The following DCBLD1 variants were observed in gnomAD, a reference collection of about 807,000 sequenced individuals.
DCBLD1 encodes the protein discoidin, CUB and LCCL domain-containing protein 1.
In DCBLD1, 57 loss-of-function variants were observed where a neutral mutation model predicts 71.5. The observed-to-expected ratio is 0.80, with a 90% CI of 0.64 to 0.99. The LOEUF is 0.99. Ranked by LOEUF, DCBLD1 falls within the 50% of genes least tolerant of loss-of-function variation. The pLI, the probability that DCBLD1 is intolerant of heterozygous loss-of-function variation, is 0.00. For missense variants in DCBLD1, 891 were observed against 923.5 expected, an observed-to-expected ratio of 0.96 and a Z score of 0.46; for synonymous variants, 380 against 363.8, an observed-to-expected ratio of 1.04 and a Z score of -0.51.
rs1484761853 is a variant in DCBLD1, at chr6:117,538,570, C to G, written c.761-50C>G. On this transcript the variant is annotated intron_variant, in intron 7 of 14. Transcript: ENST00000338728. The stretch of plus-strand genomic sequence containing the variant: ...AGATGTGGTACTACTTTTTTTTTTG[C>G]TGTTATTTTATGTCTGTATCTAAAA... The G allele has an allele frequency of 3.9e-6, 6 of 1,531,764 alleles. No individual in the cohort carries two copies. In the African/African-American group the frequency reaches 5.6e-5, roughly 14 times the overall value. 94.9% of individuals were successfully genotyped at this position (1,531,764 alleles called of 1,614,324 possible).
Position 117,509,460 on chromosome 6 carries a change from AATAGT to A in DCBLD1, c.325+5484_325+5488del, listed in dbSNP as rs1490794810. ...TAAAATAAAACAAAATGGGCAAAAT[AATAGT>A]ATCTACCACATATAGGTGACTGGCA... On this transcript the variant is annotated intron_variant, in intron 2 of 14. Transcript: ENST00000338728. Among the ~76,000 whole-genome samples, 10 of 152,272 alleles carry A rather than the reference AATAGT, an allele frequency of 6.6e-5. No homozygotes were observed. In the East Asian group the frequency reaches 1.9e-3, roughly 29 times the overall value.
At chr6:117,519,668 C>T (rs990122261) in intron 2 of DCBLD1, 148 bp from the exon 3 acceptor site, 191 of 1,064,646 alleles carry the variant, frequency 1.8e-4, no homozygotes, top group Middle Eastern at 9.6e-4. Context: ...TCAGTCTGAG[C>T]GTCAAGCTAA....
chr6:117,501,634 G>T (rs970480044), intron 1 of DCBLD1, among the ~76,000 whole-genome samples: 1 of 152,160 alleles, frequency 6.6e-6, no homozygotes, highest in African/African-American at 2.4e-5. Flanking sequence ...CTCCCAGTTT[G>T]TCCTTCAGTT....
intron 14 of DCBLD1, among the ~76,000 whole-genome samples, chr6:117,557,048 T>C (rs1037886929): frequency 2.6e-5 from 4 of 152,240 alleles, no homozygotes; most frequent in Non-Finnish European, 5.9e-5. Context: ...GCTCACTTTT[T>C]ATCTTCTTAC....
intron 1 of DCBLD1, among the ~76,000 whole-genome samples, chr6:117,488,904 G>A (rs763726684): frequency 6.6e-6 from 1 of 152,140 alleles, no homozygotes; most frequent in African/African-American, 2.4e-5. Context: ...ATATTGTCGT[G>A]TATGACTTTA....
At chr6:117,507,246 T>C (rs186959416) in intron 2 of DCBLD1, among the ~76,000 whole-genome samples, 145 of 152,358 alleles carry the variant, frequency 9.5e-4, no homozygotes, top group African/African-American at 3.3e-3. Context: ...TTATATACTT[T>C]GGGTATTTTG....
chr6:117,498,506 T>C (rs1034436235), intron 1 of DCBLD1, among the ~76,000 whole-genome samples: 4 of 152,172 alleles, frequency 2.6e-5, no homozygotes, highest in African/African-American at 9.7e-5. Flanking sequence ...TCATTCCCCA[T>C]TCCCCCTATT....
At chr6:117,555,306 A>T (rs1366288325) in intron 14 of DCBLD1, among the ~76,000 whole-genome samples, 19 of 150,822 alleles carry the variant, frequency 1.3e-4, no homozygotes, top group Admixed American at 1.2e-3. Flanking sequence ...ATTTGCATTT[A>T]CTCCCTTTTT....
At chr6:117,541,660 AT>A (rs762275578) in intron 11 of DCBLD1, among the ~76,000 whole-genome samples, 1 of 152,224 alleles carries the variant, frequency 6.6e-6, no homozygotes, top group Admixed American at 6.5e-5. Context: ...TTTTATAAGA[AT>A]TTGGAAAGAT....
Position 117,563,268 on chromosome 6 carries a change from T to A in DCBLD1, c.1616-6352T>A, listed in dbSNP as rs1345881451. The A allele has an allele frequency of 1.9e-6, 3 of 1,613,186 alleles. No homozygotes were observed. The African/African-American group carries it at 4.0e-5, about 22-fold the overall frequency. The stretch of plus-strand genomic sequence containing the variant: ...ATATGGTCAATTTAATAAGATTTTT[T>A]ATGATACAGAGTGTGCAGATCATCT... On this transcript the variant is annotated intron_variant, in intron 14 of 14. Coordinates refer to the DCBLD1 transcript ENST00000296955.
intron 14 of DCBLD1, chr6:117,569,448 A>C: frequency 1.5e-6 from 2 of 1,296,902 alleles, no homozygotes; most frequent in South Asian, 1.5e-5. Flanking sequence ...GCATTAAATC[A>C]AAGGAAACAA....
intron 12 of DCBLD1, among the ~76,000 whole-genome samples, chr6:117,543,749 A>G (rs953200921): frequency 6.6e-6 from 1 of 152,220 alleles, no homozygotes; most frequent in Admixed American, 6.5e-5. Context: ...TGAAATTGAT[A>G]TATTGCTTTA....
Position 117,538,778 on chromosome 6 carries a change from A to G in DCBLD1, c.919A>G (p.Asn307Asp). ...PSWASGDSSN[N>D]HKPREWLEID... ...ATGGGCTTCGGGCGACAGTAGCAACAACCACAAACCACGAGAGTGGCTGGA... is the reference window on the plus strand; with the variant it reads ...ATGGGCTTCGGGCGACAGTAGCAACGACCACAAACCACGAGAGTGGCTGGA... Residue 307 changes from asparagine to aspartate, a missense_variant, in exon 8 of 15, where the codon AAC becomes GAC. Transcript: ENST00000338728. 6.2e-7 allele frequency: 1 copy of G among 1,614,172 alleles called. No individual in the cohort carries two copies.
chr6:117,556,316 C>T (rs1460364298), intron 14 of DCBLD1, among the ~76,000 whole-genome samples: 1 of 152,098 alleles, frequency 6.6e-6, no homozygotes, highest in Admixed American at 6.5e-5. Context: ...GTAACCATCA[C>T]CTGAATACTG....
At chr6:117,494,960 A>G (rs923740613) in intron 1 of DCBLD1, 1 of 152,230 alleles carries the variant, frequency 6.6e-6, no homozygotes, top group South Asian at 2.1e-4. Flanking sequence ...TCAGAGCTTC[A>G]CTATACACTG....
intron 1 of DCBLD1, among the ~76,000 whole-genome samples, chr6:117,499,028 A>C (rs1777561017): frequency 6.6e-6 from 1 of 152,072 alleles, no homozygotes; most frequent in Non-Finnish European, 1.5e-5. Context: ...GTGCCTCTTC[A>C]TTTAATTCAT....
intron 5 of DCBLD1, among the ~76,000 whole-genome samples, chr6:117,529,438 G>T (rs1778644317): frequency 6.6e-6 from 1 of 152,102 alleles, no homozygotes; most frequent in African/African-American, 2.4e-5. Context: ...CATAGGCTAG[G>T]TACATATGCT....
In DCBLD1 at chr6:117,488,506, G is replaced by A. The variant is rs141361343; in HGVS notation, c.112+5613G>A. Among the ~76,000 whole-genome samples the A allele has an allele frequency of 1.3e-3, 195 of 152,180 alleles. 2 individuals carry two copies. The highest frequency in any genetic ancestry group is 4.4e-3 in the African/African-American group (183 of 41,510). On this transcript the variant is annotated intron_variant, in intron 1 of 14. Coordinates refer to ENST00000338728, the MANE Select transcript of DCBLD1 (RefSeq NM_001366458.2). The stretch of plus-strand genomic sequence containing the variant: ...CAAAAAATACAAAAATTTGCCGGGC[G>A]TGGTGGCACATGCCTGTAATCCCAG...
At chr6:117,535,261 G>C (rs1778846420) in intron 6 of DCBLD1, among the ~76,000 whole-genome samples, 1 of 152,170 alleles carries the variant, frequency 6.6e-6, no homozygotes, top group African/African-American at 2.4e-5. Context: ...AGACCAGAAT[G>C]GTATCAGGAA....
Sources: allele counts gnomAD v4.1 joint callset (sites outside exome capture counted in the v4.1 genomes callset), GRCh38; gene constraint gnomAD v4.1.1; transcripts MANE v1.5; gene names NCBI Gene and HGNC (gene_info 2026-07-23, HGNC 2026-07-21).